The following NF1 variants were observed in gnomAD, a reference collection of about 807,000 sequenced individuals.
NF1 encodes the protein neurofibromin 1, also known as neurofibromin.
Under a neutral mutation model 325.7 loss-of-function variants are expected in NF1, and 122 were observed. The observed-to-expected ratio is 0.37, with a 90% confidence interval of 0.32 to 0.44. The LOEUF (loss-of-function observed/expected upper bound fraction) is 0.44, where lower values mean the gene tolerates loss of function less well. Ranked by LOEUF, NF1 falls within the 20% of genes least tolerant of loss-of-function variation. The probability of loss-of-function intolerance (pLI) is 1.00; values close to 1 mark genes in which losing one functional copy is unlikely to be tolerated. For missense variants in NF1, 2,140 were observed against 3,415.4 expected, an observed-to-expected ratio of 0.63 and a Z score of 9.31; for synonymous variants, 1,091 against 1,186.0, an observed-to-expected ratio of 0.92 and a Z score of 1.65.
rs1287561681 is a variant in NF1 at position 31,327,643 on chromosome 17, A to G, written c.5413A>G (p.Asn1805Asp). The stretch of plus-strand genomic sequence containing the variant: ...GAACCAGTTCACCTTAACCATTGCA[A>G]ACCAGGGCACGCCGCTCACCTTCAT... ...DENQFTLTIANQGTPLTFMHQ... is the reference protein window; with the variant it reads ...DENQFTLTIADQGTPLTFMHQ... The change falls in exon 38 of 58, where the codon AAC becomes GAC. Residue 1805 changes from asparagine (N) to aspartate (D), a missense_variant. Asn to Asp is a conservative substitution (Grantham distance 23). Coordinates refer to ENST00000358273, the MANE Select transcript of NF1 (RefSeq NM_001042492.3). The G allele has an allele frequency of 6.8e-6, 11 of 1,614,144 alleles. No homozygotes were observed. Among genetic ancestry groups the G allele is most frequent in the Non-Finnish European group, 9.3e-6 (11 of 1,180,028 alleles).
intron 47 of NF1, among the ~76,000 whole-genome samples, chr17:31,342,363 C>G (rs1370039166): frequency 6.6e-6 from 1 of 151,960 alleles, no homozygotes; most frequent in Non-Finnish European, 1.5e-5. Context: ...TCTGGGAGGC[C>G]GAGTTGGGAG....
intron 30 of NF1, chr17:31,250,875 C>G (rs1043743438): frequency 8.0e-5 from 15 of 187,678 alleles, no homozygotes; most frequent in African/African-American, 3.5e-4. Flanking sequence ...AATAACAAAC[C>G]TGGTTTATTA....
chr17:31,302,171 G>A (rs377050470), intron 36 of NF1, among the ~76,000 whole-genome samples: 4 of 152,048 alleles, frequency 2.6e-5, no homozygotes, highest in Non-Finnish European at 5.9e-5. Flanking sequence ...ATAAAAACCC[G>A]GCTGCTGCCA....
intron 36 of NF1, among the ~76,000 whole-genome samples, chr17:31,312,538 A>G (rs1253279627): frequency 2.6e-5 from 4 of 151,410 alleles, no homozygotes; most frequent in African/African-American, 9.7e-5. Flanking sequence ...AAAAAAAAGT[A>G]TGGGATTCTA....
At chr17:31,292,816 C>A (rs1382517655) in intron 36 of NF1, among the ~76,000 whole-genome samples, 1 of 152,002 alleles carries the variant, frequency 6.6e-6, no homozygotes, top group African/African-American at 2.4e-5. Context: ...ATTACTTTTC[C>A]CCTTAAAAAT....
chr17:31,364,128 C>T (rs2070462140), intron 57 of NF1, among the ~76,000 whole-genome samples: 1 of 152,194 alleles, frequency 6.6e-6, no homozygotes, highest in African/African-American at 2.4e-5. Context: ...GGCGTTTCAA[C>T]TTTGCTGTTT....
At chr17:31,238,247 T>C (rs1489169256) in intron 29 of NF1, among the ~76,000 whole-genome samples, 3 of 141,416 alleles carry the variant, frequency 2.1e-5, no homozygotes, top group African/African-American at 8.6e-5. Flanking sequence ...ATGGTGAAGA[T>C]AGGAGAAAAA....
At chr17:31,362,711 G>A (rs938797988) in intron 57 of NF1, among the ~76,000 whole-genome samples, 1 of 152,108 alleles carries the variant, frequency 6.6e-6, no homozygotes, top group Non-Finnish European at 1.5e-5. Context: ...TGCCTTTTGG[G>A]CTACTAAACT....
Position 31,339,184 on chromosome 17 carries a change from G to A in NF1, c.6921+379G>A, listed in dbSNP as rs17879600. 9.5e-3 allele frequency among the ~76,000 whole-genome samples: 1,441 copies of A among 152,286 alleles called. 23 individuals are homozygous for A. The highest frequency in any genetic ancestry group is 0.033 in the African/African-American group (1,357 of 41,548). ...CTTCATGGAGCTTACTTTCTGGGGT[G>A]GGTGTGGAGGTTGGGGAGTGAATGG... On this transcript the variant is annotated intron_variant, in intron 46 of 57. Coordinates refer to ENST00000358273, the MANE Select transcript of NF1 (RefSeq NM_001042492.3).
At chr17:31,269,166 C>T (rs2067845728) in intron 36 of NF1, among the ~76,000 whole-genome samples, 1 of 152,304 alleles carries the variant, frequency 6.6e-6, no homozygotes, top group Admixed American at 6.5e-5. Context: ...CAGTTGACTA[C>T]TTCTAGGTAA....
At chr17:31,252,805 G>T in intron 30 of NF1, 133 bp from the exon 31 acceptor site, 2 of 719,350 alleles carry the variant, frequency 2.8e-6, no homozygotes, top group Non-Finnish European at 2.4e-6. Context: ...TCAAAATTCA[G>T]TTGATTTCTA....
rs748949382 is a variant in NF1 at position 31,125,724 on chromosome 17, C to T, written c.61-30259C>T. Among the ~76,000 whole-genome samples the T allele has an allele frequency of 2.0e-4, 30 of 151,798 alleles. 1 individual carries two copies. The highest frequency in any genetic ancestry group is 4.2e-4 in the South Asian group (2 of 4,804). The stretch of plus-strand genomic sequence containing the variant: ...CTAATTTTTGTATTTTTATTAGAGA[C>T]GGGGTTTCGCCATGTTAGCCAGGCT... On this transcript the variant is annotated intron_variant, in intron 1 of 57. Coordinates refer to ENST00000358273, the MANE Select transcript of NF1 (RefSeq NM_001042492.3).
chr17:31,154,160 A>T (rs1917151363), intron 1 of NF1, among the ~76,000 whole-genome samples: 1 of 137,882 alleles, frequency 7.3e-6, no homozygotes, highest in Non-Finnish European at 1.5e-5. Flanking sequence ...TGTTCAAGCC[A>T]TTCTCGTGCC....
chr17:31,273,656 A>G (rs1383376129), intron 36 of NF1: 1 of 152,218 alleles, frequency 6.6e-6, no homozygotes, highest in African/African-American at 2.4e-5. Context: ...CACTCACTGC[A>G]TGCTATTTAA....
chr17:31,349,066 G>T (rs2070070673), intron 48 of NF1, 54 bp from the exon 49 acceptor site: 1 of 1,543,312 alleles, frequency 6.5e-7, no homozygotes, highest in Non-Finnish European at 8.7e-7. Flanking sequence ...GCAGATGCTT[G>T]TTCAAAAAAT....
At chr17:31,126,421 A>G (rs529910061) in intron 1 of NF1, among the ~76,000 whole-genome samples, 102 of 152,012 alleles carry the variant, frequency 6.7e-4, no homozygotes, top group African/African-American at 2.3e-3. Flanking sequence ...TGATTGATTC[A>G]TAGCAATTTT....
chr17:31,193,727 C>A (rs1229347343), intron 8 of NF1, among the ~76,000 whole-genome samples: 4 of 151,940 alleles, frequency 2.6e-5, no homozygotes, highest in Non-Finnish European at 4.4e-5. Flanking sequence ...GGCAAAGGAC[C>A]TGAATAGACA....
chr17:31,131,191 T>A (rs1419893914), intron 1 of NF1, among the ~76,000 whole-genome samples: 2 of 152,178 alleles, frequency 1.3e-5, no homozygotes, highest in East Asian at 3.8e-4. Flanking sequence ...CTACAGATGC[T>A]CCAGCACCAA....
At chr17:31,171,030 AT>A (rs1476654363) in intron 5 of NF1, among the ~76,000 whole-genome samples, 2 of 152,294 alleles carry the variant, frequency 1.3e-5, no homozygotes, top group African/African-American at 2.4e-5. Context: ...AGTTTTCAAA[AT>A]ACGTGTTTTT....
Sources: gnomAD v4.1 joint callset for allele counts (sites outside exome capture counted in the v4.1 genomes callset) on GRCh38, gnomAD v4.1.1 for gene constraint, MANE v1.5 for transcripts, NCBI Gene and HGNC (gene_info 2026-07-23, HGNC 2026-07-21) for gene names.